RNF24: variants seen among roughly 807,000 people sequenced by gnomAD.
RNF24 encodes ring finger protein 24.
In RNF24, 14 loss-of-function variants were observed where a neutral mutation model predicts 20.0. The ratio of observed to expected loss-of-function variants is 0.70; its 90% CI spans 0.46 to 1.10. The LOEUF (loss-of-function observed/expected upper bound fraction) is 1.10, where lower values mean the gene tolerates loss of function less well. RNF24 is among the 50% of genes least tolerant of loss of function. RNF24 has a pLI of 0.00. For missense variants in RNF24, 124 were observed against 177.6 expected, an observed-to-expected ratio of 0.70 and a Z score of 1.71; for synonymous variants, 45 against 61.1, an observed-to-expected ratio of 0.74 and a Z score of 1.23.
At chr20:3,990,250 C>A (rs1980316540) in intron 1 of RNF24, among the ~76,000 whole-genome samples, 1 of 151,690 alleles carries the variant, frequency 6.6e-6, no homozygotes, top group South Asian at 2.1e-4. Context: ...GAAACACCCC[C>A]AAAAAAAATC....
At chr20:3,974,122 C>T (rs951685061) in intron 1 of RNF24, among the ~76,000 whole-genome samples, 3 of 148,844 alleles carry the variant, frequency 2.0e-5, no homozygotes, top group African/African-American at 7.4e-5. Context: ...AGAAAAATCA[C>T]ATGATCATAT....
At chr20:3,983,231 G>T (rs140183482) in intron 1 of RNF24, among the ~76,000 whole-genome samples, 1,553 of 152,224 alleles carry the variant, frequency 0.01, 17 homozygotes, top group African/African-American at 0.035. Flanking sequence ...ATCCAGGCAC[G>T]TGGTATGTCT....
chr20:3,999,288 T>G (rs559681705), intron 1 of RNF24, among the ~76,000 whole-genome samples: 1 of 152,138 alleles, frequency 6.6e-6, no homozygotes, highest in Non-Finnish European at 1.5e-5. Flanking sequence ...CTAACAACCA[T>G]GACATTATTC....
At chr20:3,975,378 G>A (rs1392211857) in intron 1 of RNF24, among the ~76,000 whole-genome samples, 1 of 152,088 alleles carries the variant, frequency 6.6e-6, no homozygotes, top group Non-Finnish European at 1.5e-5. Context: ...CAAAAGCAAG[G>A]AGTATAAAAG....
intron 2 of RNF24, among the ~76,000 whole-genome samples, chr20:3,962,555 AT>A (rs780347837): frequency 1.4e-4 from 21 of 152,074 alleles, no homozygotes; most frequent in Non-Finnish European, 2.8e-4. Context: ...GGTGTTTACA[AT>A]TACAAACACC....
At chr20:3,967,188 T>C (rs2091267357) in intron 1 of RNF24, among the ~76,000 whole-genome samples, 1 of 152,212 alleles carries the variant, frequency 6.6e-6, no homozygotes, top group African/African-American at 2.4e-5. Context: ...TAAAATAAAT[T>C]GATAAAAGGC....
chr20:3,938,659 C>T (rs2090919897), intron 4 of RNF24, among the ~76,000 whole-genome samples: 1 of 152,066 alleles, frequency 6.6e-6, no homozygotes. Context: ...AATACAAGAC[C>T]CTTATCAGAT....
chr20:3,934,973 T>G lies in RNF24; in HGVS notation c.308+21A>C, dbSNP rs1427724238. On this transcript the variant is annotated intron_variant, in intron 5 of 5. Transcript: ENST00000358395. This position sits in a 1 kb window ranked among gnomAD's most constrained non-coding sequence, Gnocchi z 4.0. ...TGCCTCAAACTCGGGTCCCATTAAG[T>G]AATTCCATACCAATACTTACTTTCT... 1 of 1,607,694 alleles carries G rather than the reference T, an allele frequency of 6.2e-7. No individual in the cohort carries two copies. The highest frequency in any genetic ancestry group is 8.5e-7 in the Non-Finnish European group (1 of 1,174,246).
intron 1 of RNF24, among the ~76,000 whole-genome samples, chr20:3,970,646 A>C (rs1029631912): frequency 2.6e-5 from 4 of 152,188 alleles, no homozygotes; most frequent in Non-Finnish European, 5.9e-5. Flanking sequence ...AGATATAAAG[A>C]GGAACAAAAT....
chr20:3,959,656 A>G (rs1249587563), intron 2 of RNF24, among the ~76,000 whole-genome samples: 1 of 152,184 alleles, frequency 6.6e-6, no homozygotes, highest in African/African-American at 2.4e-5. Flanking sequence ...AGGGTTAATA[A>G]CAAAAAATCA....
chr20:3,953,180 T>A (rs1359469542), intron 2 of RNF24, among the ~76,000 whole-genome samples: 1 of 152,106 alleles, frequency 6.6e-6, no homozygotes, highest in Non-Finnish European at 1.5e-5. Context: ...GGAGACGGAG[T>A]CTCACTCTGT....
intron 1 of RNF24, among the ~76,000 whole-genome samples, chr20:3,967,973 C>CAAGACTCTGCCTCAAAAAA (rs2091275977): frequency 3.9e-5 from 3 of 77,180 alleles, no homozygotes; most frequent in African/African-American, 5.2e-5. Context: ...AGCCTGGCAA[C>CAAGACTCTGCCTCAAAAAA]AAAAAAAAAA....
chr20:3,974,967 A>G (rs1176306458), intron 1 of RNF24, among the ~76,000 whole-genome samples: 1 of 152,202 alleles, frequency 6.6e-6, no homozygotes, highest in Non-Finnish European at 1.5e-5. Flanking sequence ...TTTTGAAAAA[A>G]GAAGACTAAA....
chr20:3,951,326 G>A (rs2091079079), intron 2 of RNF24, among the ~76,000 whole-genome samples: 1 of 152,106 alleles, frequency 6.6e-6, no homozygotes, highest in Non-Finnish European at 1.5e-5. Flanking sequence ...TATTAAGTAT[G>A]ATCATTCTTT....
chr20:3,958,654 T>C lies in RNF24; in HGVS notation c.143+5221A>G, dbSNP rs908727456. On this transcript the variant is annotated intron_variant, in intron 2 of 5. Coordinates refer to ENST00000358395, the MANE Select transcript of RNF24 (RefSeq NM_001134337.3). The stretch of plus-strand genomic sequence containing the variant: ...CAATATTCTGTGCCCCTGTGTGTGT[T>C]TGTTTTGAGATGGAGTCTGCTCTGT... 1.3e-4 allele frequency among the ~76,000 whole-genome samples: 20 copies of C among 152,354 alleles called. 2 individuals are homozygous for C. Among genetic ancestry groups the C allele is most frequent in the African/African-American group, 4.8e-4 (20 of 41,592 alleles).
At chr20:3,998,915 A>G (rs1451345782) in intron 1 of RNF24, among the ~76,000 whole-genome samples, 3 of 149,354 alleles carry the variant, frequency 2.0e-5, no homozygotes, top group Non-Finnish European at 3.0e-5. Context: ...CCCCATCTCT[A>G]CTAAAAATAC....
intron 2 of RNF24, among the ~76,000 whole-genome samples, chr20:3,962,119 G>A (rs1011525194): frequency 6.6e-6 from 1 of 152,152 alleles, no homozygotes; most frequent in Admixed American, 6.6e-5. Context: ...TTGGGAGGTT[G>A]AGGCGGGTGG....
In RNF24 at chr20:3,931,414, G is replaced by A. The variant is rs538248304; in HGVS notation, c.*2649C>T. On this transcript the variant is annotated 3_prime_UTR_variant, in exon 6 of 6. Transcript: ENST00000358395. ...CCTTTTTCAAAATAAATAAAAAAAG[G>A]ACTGTCTTTCAAACAAAAACCCTGC... is the stretch of plus-strand genomic sequence containing the variant. 1.3e-5 allele frequency: 2 copies of A among 152,264 alleles called. No homozygotes were observed. The highest frequency in any genetic ancestry group is 2.4e-5 in the African/African-American group (1 of 41,542). 9.4% of individuals were successfully genotyped at this position (152,264 alleles called of 1,614,324 possible). A position where few individuals can be genotyped will look rare whatever the true frequency, so the allele number is the denominator to read the frequency against.
intron 1 of RNF24, among the ~76,000 whole-genome samples, chr20:3,982,804 G>A (rs1979537118): frequency 6.6e-6 from 1 of 152,094 alleles, no homozygotes; most frequent in Non-Finnish European, 1.5e-5. Context: ...TGGAAGGACT[G>A]CTTAGGCCCG....
Sources: allele counts gnomAD v4.1 joint callset (sites outside exome capture counted in the v4.1 genomes callset), GRCh38; gene constraint gnomAD v4.1.1; non-coding constraint Gnocchi (gnomAD v3.1); transcripts MANE v1.5; gene names NCBI Gene and HGNC (gene_info 2026-07-23, HGNC 2026-07-21).